Variants in LINC00632 observed in about 807,000 individuals in gnomAD.
The protein encoded by LINC00632 is long independently transcribed non-coding RNA 632.
intron 2 of LINC00632, among the ~76,000 whole-genome samples, chrX:140,727,673 C>A (rs1009739936): frequency 9.0e-6 from 1 of 111,616 alleles, no homozygotes; most frequent in Non-Finnish European, 1.9e-5. Flanking sequence ...TACCGTAACA[C>A]CTAAAGTTGC....
At chrX:140,732,358 C>T (rs1931072970) in intron 2 of LINC00632, among the ~76,000 whole-genome samples, 1 of 112,015 alleles carries the variant, frequency 8.9e-6, no homozygotes, top group African/African-American at 3.2e-5. Context: ...CCGAAGCAGA[C>T]TACATCCTAA....
exon 5 of LINC00632, among the ~76,000 whole-genome samples, chrX:140,787,500 A>G (rs1403312283): frequency 8.9e-6 from 1 of 111,801 alleles, no homozygotes; most frequent in African/African-American, 3.2e-5. Context: ...AAGAACACAA[A>G]CTGTGTCATT....
intron 3 of LINC00632, among the ~76,000 whole-genome samples, chrX:140,758,964 C>CTTTTTTTTTT (rs146312064): frequency 2.5e-5 from 2 of 78,972 alleles, no homozygotes; most frequent in African/African-American, 4.8e-5. Flanking sequence ...CTTTTCTTTT[C>CTTTTTTTTTT]TTTTTTTTTT....
At chrX:140,735,921 C>T (rs1264533064) in intron 3 of LINC00632, among the ~76,000 whole-genome samples, 1 of 111,125 alleles carries the variant, frequency 9.0e-6, no homozygotes, top group African/African-American at 3.3e-5. Flanking sequence ...TTTGAATTAA[C>T]AATTTTATAG....
intron 2 of LINC00632, among the ~76,000 whole-genome samples, chrX:140,729,877 CTTTTTTTTTTT>C (rs1207034823): frequency 3.3e-5 from 3 of 90,860 alleles, no homozygotes; most frequent in Admixed American, 2.4e-4. Flanking sequence ...TTTCTTTTTT[CTTTTTTTTTTT>C]TTTTTTTGAG....
At chrX:140,785,994 G>A (rs975172178) in exon 5 of LINC00632, among the ~76,000 whole-genome samples, 2 of 111,456 alleles carry the variant, frequency 1.8e-5, no homozygotes, top group Non-Finnish European at 3.8e-5. Flanking sequence ...ATGCTGATCT[G>A]GAGAACCAAG....
chrX:140,724,538 T>C, intron 2 of LINC00632, among the ~76,000 whole-genome samples: 1 of 22,152 alleles, frequency 4.5e-5, no homozygotes, highest in African/African-American at 1.8e-4. Context: ...ACACACACAT[T>C]CCATACACAC....
intron 3 of LINC00632, among the ~76,000 whole-genome samples, chrX:140,767,721 A>G (rs752905288): frequency 1.6e-4 from 18 of 111,940 alleles, no homozygotes; most frequent in South Asian, 1.1e-3. Flanking sequence ...CTAGATAGAT[A>G]GATAGAGGAG....
chrX:140,743,446 T>A (rs12859747), intron 3 of LINC00632, among the ~76,000 whole-genome samples: 2 of 109,721 alleles, frequency 1.8e-5, no homozygotes, highest in Non-Finnish European at 3.8e-5. Context: ...AGTTTTTTTA[T>A]GTTTATTCTG....
At chrX:140,746,033 T>C (rs909655992) in intron 3 of LINC00632, among the ~76,000 whole-genome samples, 1 of 112,050 alleles carries the variant, frequency 8.9e-6, no homozygotes, top group African/African-American at 3.2e-5. Context: ...CACTTAAAAA[T>C]ATAGCATTCT....
At chrX:140,723,348 G>A (rs975047823) in intron 2 of LINC00632, among the ~76,000 whole-genome samples, 14 of 374 alleles carry the variant, frequency 0.037, no homozygotes, top group African/African-American at 0.11. Context: ...ACACATATTC[G>A]ATACATTCCA....
exon 3 of LINC00632, chrX:140,733,946 C>T (rs1412512838): frequency 2.7e-5 from 3 of 111,963 alleles, no homozygotes; most frequent in Non-Finnish European, 5.6e-5. Context: ...GCACGTTTGC[C>T]ACCTAGTGAC....
At position 140,757,859 on chromosome X, in the gene LINC00632, A is replaced by ATCCAGCCTC. The variant is rs761811894; in HGVS notation, n.192-14217_192-14209dup. On this transcript the variant is annotated intron_variant and non_coding_transcript_variant, in intron 3 of 4. Coordinates refer to ENST00000648200, the Ensembl canonical transcript of LINC00632. ...TGGGATTACAGGCGTGAGACACCACATCCAGCCTCTTTGTACATGTTTTTT... is the reference window on the plus strand; with the variant it reads ...TGGGATTACAGGCGTGAGACACCACATCCAGCCTCTCCAGCCTCTTTGTACATGTTTTTT... Among the ~76,000 whole-genome samples, 3 of 111,600 alleles carry ATCCAGCCTC rather than the reference A, an allele frequency of 2.7e-5. No homozygotes were observed. The East Asian group carries it at 8.5e-4, about 32-fold the overall frequency.
chrX:140,774,644 C>A (rs1436441758), exon 5 of LINC00632, among the ~76,000 whole-genome samples: 1 of 111,784 alleles, frequency 8.9e-6, no homozygotes, highest in Admixed American at 9.5e-5. Context: ...CAAGCATTTT[C>A]ATTGATCCAT....
chrX:140,769,852 C>T (rs762403604), intron 3 of LINC00632, among the ~76,000 whole-genome samples: 2 of 111,589 alleles, frequency 1.8e-5, no homozygotes, highest in Non-Finnish European at 3.8e-5. Context: ...AGGTCCCATT[C>T]AAATGCTACT....
intron 2 of LINC00632, among the ~76,000 whole-genome samples, chrX:140,717,748 C>A (rs767063566): frequency 5.5e-4 from 61 of 111,505 alleles, no homozygotes; most frequent in Non-Finnish European, 1.0e-3. Context: ...TGTGTGACCT[C>A]GGAAAGGTTT....
chrX:140,771,833 C>A (rs1417601848), intron 3 of LINC00632, among the ~76,000 whole-genome samples: 1 of 99,774 alleles, frequency 1.0e-5, no homozygotes, highest in Admixed American at 1.1e-4. Flanking sequence ...GCATGTGCCA[C>A]CATGCCCAGC....
exon 5 of LINC00632, among the ~76,000 whole-genome samples, chrX:140,775,058 T>C (rs1931854649): frequency 8.9e-6 from 1 of 112,111 alleles, no homozygotes. Flanking sequence ...AAAAGCAGTA[T>C]ATTTATGTTA....
chrX:140,757,302 C>G (rs1405075775), intron 3 of LINC00632, among the ~76,000 whole-genome samples: 2 of 111,113 alleles, frequency 1.8e-5, no homozygotes, highest in Non-Finnish European at 3.8e-5. Context: ...CTAAAGTGAA[C>G]TATATGATAG....
Sources: gnomAD v4.1 joint callset for allele counts (sites outside exome capture counted in the v4.1 genomes callset) on GRCh38, gnomAD v4.1.1 for gene constraint, MANE v1.5 for transcripts, NCBI Gene and HGNC (gene_info 2026-07-23, HGNC 2026-07-21) for gene names.